Variants in CNTNAP5 observed in about 807,000 individuals in gnomAD.
CNTNAP5 encodes the protein contactin-associated protein-like 5.
In CNTNAP5, 72 loss-of-function variants were observed where a neutral mutation model predicts 150.2. The observed-to-expected ratio is 0.48, with a 90% CI of 0.40 to 0.58. CNTNAP5 has a LOEUF of 0.58. Among genes scored for constraint, CNTNAP5 ranks in the 20% least tolerant of loss-of-function variants. The probability of loss-of-function intolerance (pLI) is 0.00; values close to 1 mark genes in which losing one functional copy is unlikely to be tolerated. For synonymous variants in CNTNAP5, 672 were observed against 619.8 expected, an observed-to-expected ratio of 1.08 and a Z score of -1.25; for missense variants, 1,636 against 1,626.2, an observed-to-expected ratio of 1.01 and a Z score of -0.10.
chr2:124,194,552 T>G (rs1014174392), intron 1 of CNTNAP5, among the ~76,000 whole-genome samples: 4 of 149,746 alleles, frequency 2.7e-5, no homozygotes, highest in African/African-American at 9.7e-5. Context: ...ATTCTAAATA[T>G]TTGAAAATGG....
intron 8 of CNTNAP5, among the ~76,000 whole-genome samples, chr2:124,506,337 A>G (rs927975797): frequency 6.6e-6 from 1 of 151,306 alleles, no homozygotes; most frequent in South Asian, 2.1e-4. Flanking sequence ...GGTAGTCAGG[A>G]AAAAAAAATG....
In CNTNAP5 at chr2:124,843,550, G is replaced by A. The variant is rs185895725; in HGVS notation, c.3218-21756G>A. 1.3e-3 allele frequency among the ~76,000 whole-genome samples: 191 copies of A among 151,168 alleles called. 1 individual carries two copies. In the South Asian group the frequency reaches 0.022, roughly 18 times the overall value. ...GATACTGGGATTGCTGAATCTAACC[G>A]TAGATCTACTTTTAGTTCTTTAAGG... On this transcript the variant is annotated intron_variant, in intron 19 of 23. Coordinates refer to ENST00000682447, the MANE Select transcript of CNTNAP5 (RefSeq NM_001367498.1).
intron 1 of CNTNAP5, among the ~76,000 whole-genome samples, chr2:124,100,002 T>C (rs984520008): frequency 2.6e-5 from 4 of 152,154 alleles, no homozygotes; most frequent in African/African-American, 9.7e-5. Flanking sequence ...TATCACTGTA[T>C]TAGGTCATTT....
intron 13 of CNTNAP5, among the ~76,000 whole-genome samples, chr2:124,649,998 C>T (rs1167136681): frequency 2.0e-5 from 3 of 152,118 alleles, no homozygotes; most frequent in African/African-American, 7.2e-5. Context: ...GATTAGAAAA[C>T]TCAACGTAGA....
At chr2:124,051,157 C>G (rs1277585958) in intron 1 of CNTNAP5, among the ~76,000 whole-genome samples, 1 of 151,788 alleles carries the variant, frequency 6.6e-6, no homozygotes, top group East Asian at 1.9e-4. Context: ...TAGTTTGAGG[C>G]CTTAAAAATA....
chr2:124,328,686 A>G (rs144034188), intron 3 of CNTNAP5, among the ~76,000 whole-genome samples: 188 of 152,264 alleles, frequency 1.2e-3, no homozygotes, highest in African/African-American at 4.3e-3. Context: ...TTTTTTTCTG[A>G]ACAGTTCTAA....
chr2:124,767,405 C>T (rs1308525857), intron 16 of CNTNAP5, among the ~76,000 whole-genome samples: 1 of 152,098 alleles, frequency 6.6e-6, no homozygotes, highest in Non-Finnish European at 1.5e-5. Flanking sequence ...TTTTAGTGGG[C>T]CTGTGAAAAC....
chr2:124,128,577 T>C (rs1683770520), intron 1 of CNTNAP5, among the ~76,000 whole-genome samples: 1 of 152,176 alleles, frequency 6.6e-6, no homozygotes, highest in Non-Finnish European at 1.5e-5. Context: ...ACCCAAAGAA[T>C]GATAAATCAT....
At chr2:124,510,473 A>ATGTG (rs201634055) in intron 8 of CNTNAP5, among the ~76,000 whole-genome samples, 21 of 112,262 alleles carry the variant, frequency 1.9e-4, no homozygotes, top group African/African-American at 7.2e-4. Context: ...AATTTTATGT[A>ATGTG]TGTGTATATA....
intron 3 of CNTNAP5, among the ~76,000 whole-genome samples, chr2:124,282,018 C>T (rs1688026313): frequency 1.3e-5 from 2 of 152,064 alleles, no homozygotes; most frequent in South Asian, 4.1e-4. Context: ...TGGGATGAAT[C>T]CCCAGTCCCC....
At chr2:124,110,647 G>T (rs1180369864) in intron 1 of CNTNAP5, among the ~76,000 whole-genome samples, 1 of 152,118 alleles carries the variant, frequency 6.6e-6, no homozygotes, top group Non-Finnish European at 1.5e-5. Flanking sequence ...CTGAGAGAGG[G>T]CTATTGGTAT....
chr2:124,685,744 G>GTA (rs200819552), intron 13 of CNTNAP5, among the ~76,000 whole-genome samples: 5,894 of 122,818 alleles, frequency 0.048, 244 homozygotes, highest in Non-Finnish European at 0.071. Context: ...AAGTAAGTGT[G>GTA]TGTGTGTGTG....
rs1679683768 is a variant in CNTNAP5, at chr2:124,707,060, G to GGA, written c.2078-40169_2078-40168insGA. 1.4e-3 allele frequency among the ~76,000 whole-genome samples: 131 copies of GGA among 94,300 alleles called. 1 individual carries two copies. Among genetic ancestry groups the GGA allele is most frequent in the Admixed American group, 1.9e-3 (19 of 10,070 alleles). 61.9% of individuals were successfully genotyped at this position (94,300 alleles called of 152,430 possible). ...GAAGAAGGAGGAGGAGGAGGAGGAG[G>GGA]AGAGGAAGAGGAAGAAGAAGAAGAG... is the stretch of plus-strand genomic sequence containing the variant. On this transcript the variant is annotated intron_variant, in intron 13 of 23. Transcript: ENST00000682447.
At chr2:124,556,586 A>G (rs1225577372) in intron 10 of CNTNAP5, among the ~76,000 whole-genome samples, 2 of 152,280 alleles carry the variant, frequency 1.3e-5, no homozygotes, top group Non-Finnish European at 2.9e-5. Context: ...AAGCTGGAAG[A>G]CCAGTTAGCT....
intron 17 of CNTNAP5, among the ~76,000 whole-genome samples, chr2:124,787,982 AT>A (rs954933225): frequency 1.3e-5 from 2 of 152,144 alleles, no homozygotes; most frequent in African/African-American, 2.4e-5. Flanking sequence ...TGACCTTGGT[AT>A]TTTCCCTTCC....
intron 1 of CNTNAP5, among the ~76,000 whole-genome samples, chr2:124,107,492 T>C (rs1683194656): frequency 6.6e-6 from 1 of 152,246 alleles, no homozygotes; most frequent in Admixed American, 6.5e-5. Context: ...ATGTGTCTCC[T>C]ACATACAGTA....
At chr2:124,751,133 T>C (rs1042201107) in intron 14 of CNTNAP5, among the ~76,000 whole-genome samples, 2 of 152,032 alleles carry the variant, frequency 1.3e-5, no homozygotes, top group East Asian at 1.9e-4. Context: ...GAAATTTAGA[T>C]TGTGAAGAGA....
At chr2:124,082,369 A>AAT (rs1682580400) in intron 1 of CNTNAP5, among the ~76,000 whole-genome samples, 1 of 148,316 alleles carries the variant, frequency 6.7e-6, no homozygotes. Context: ...AAAAAAAAAA[A>AAT]AAAAGGACTC....
intron 13 of CNTNAP5, among the ~76,000 whole-genome samples, chr2:124,710,516 C>T (rs1169852586): frequency 6.6e-6 from 1 of 152,146 alleles, no homozygotes; most frequent in African/African-American, 2.4e-5. Context: ...AACCTATCAT[C>T]CATTGTCGGT....
Sources: gnomAD v4.1 joint callset for allele counts (sites outside exome capture counted in the v4.1 genomes callset) on GRCh38, gnomAD v4.1.1 for gene constraint, MANE v1.5 for transcripts, NCBI Gene and HGNC (gene_info 2026-07-23, HGNC 2026-07-21) for gene names.